LARGE1: variants seen among roughly 807,000 people sequenced by gnomAD.
LARGE1 encodes the protein LARGE xylosyl- and glucuronyltransferase 1, also known as xylosyl- and glucuronyltransferase LARGE1.
In LARGE1, 43 loss-of-function variants were observed where a neutral mutation model predicts 87.6. The ratio of observed to expected loss-of-function variants is 0.49; its 90% confidence interval spans 0.38 to 0.63. The LOEUF is 0.63. Ranked by LOEUF, LARGE1 falls within the 30% of genes least tolerant of loss-of-function variation. LARGE1 has a pLI of 0.00. For synonymous variants in LARGE1, 434 were observed against 394.6 expected (o/e 1.10, Z -1.18); for missense variants, 802 against 1,000.2 (o/e 0.80, Z 2.67).
chr22:33,891,811 C>A (rs1223210194), intron 1 of LARGE1, among the ~76,000 whole-genome samples: 2 of 152,182 alleles, frequency 1.3e-5, no homozygotes, highest in Non-Finnish European at 2.9e-5. Context: ...TCATCAAAAG[C>A]AAAGTCATTA....
intron 1 of LARGE1, among the ~76,000 whole-genome samples, chr22:33,772,520 C>T (rs2085102550): frequency 6.6e-6 from 1 of 151,954 alleles, no homozygotes; most frequent in South Asian, 2.1e-4. Context: ...AAGTGTGCTC[C>T]CTGTGCCTGA....
intron 7 of LARGE1, among the ~76,000 whole-genome samples, chr22:33,399,131 C>T (rs60340479): frequency 0.12 from 18,084 of 152,032 alleles, 1,924 homozygotes; most frequent in African/African-American, 0.29. Flanking sequence ...TCTCTCCCTC[C>T]GCTTCCCCCC....
At chr22:33,873,171 A>C (rs994546894) in intron 1 of LARGE1, 1 of 152,228 alleles carries the variant, frequency 6.6e-6, no homozygotes, top group Non-Finnish European at 1.5e-5. Context: ...TGGCCAGATG[A>C]TCTGGAGCTG....
intron 11 of LARGE1, among the ~76,000 whole-genome samples, chr22:33,239,192 A>T (rs189736716): frequency 6.6e-6 from 1 of 152,136 alleles, no homozygotes; most frequent in Non-Finnish European, 1.5e-5. Context: ...TTCTCTGTTC[A>T]TGCTGGAATT....
intron 11 of LARGE1, among the ~76,000 whole-genome samples, chr22:33,248,291 A>T (rs1330371589): frequency 6.6e-6 from 1 of 152,000 alleles, no homozygotes; most frequent in Non-Finnish European, 1.5e-5. Flanking sequence ...AGGTTCAAGC[A>T]ATTTTCCTGC....
intron 1 of LARGE1, among the ~76,000 whole-genome samples, chr22:33,779,344 C>A (rs1346542710): frequency 2.0e-5 from 3 of 152,048 alleles, no homozygotes; most frequent in Non-Finnish European, 4.4e-5. Flanking sequence ...ATCAGACAAC[C>A]ACAGCTCAGG....
chr22:33,526,272 TAAGA>T (rs2071890265), intron 6 of LARGE1, among the ~76,000 whole-genome samples: 1 of 152,210 alleles, frequency 6.6e-6, no homozygotes, highest in African/African-American at 2.4e-5. Context: ...GAGCCTGTCT[TAAGA>T]GTTTCTAGTC....
At chr22:33,411,245 G>T (rs1355497381) in intron 7 of LARGE1, among the ~76,000 whole-genome samples, 2 of 152,202 alleles carry the variant, frequency 1.3e-5, no homozygotes, top group Non-Finnish European at 2.9e-5. Context: ...CACTTATCCA[G>T]GTGTTGGAAT....
intron 12 of LARGE1, among the ~76,000 whole-genome samples, chr22:33,298,846 G>C (rs1338532208): frequency 6.7e-6 from 1 of 150,068 alleles, no homozygotes; most frequent in African/African-American, 2.5e-5. Flanking sequence ...AGAAGTAAAG[G>C]AAAGAAAGAA....
At chr22:33,281,815 T>C (rs1930494084) in intron 13 of LARGE1, among the ~76,000 whole-genome samples, 2 of 152,142 alleles carry the variant, frequency 1.3e-5, no homozygotes, top group African/African-American at 2.4e-5. Context: ...ATGTGAAAAA[T>C]GATAGCCTCT....
downstream of LARGE1, among the ~76,000 whole-genome samples, chr22:33,157,697 G>C (rs897892366): frequency 6.6e-6 from 1 of 151,906 alleles, no homozygotes; most frequent in Non-Finnish European, 1.5e-5. Flanking sequence ...TCCTTTTTTT[G>C]TATTATTGAA....
At chr22:33,134,255 C>CTTTT in the LARGE1 span, among the ~76,000 whole-genome samples, 4 of 124,360 alleles carry the variant, frequency 3.2e-5, no homozygotes, top group Admixed American at 8.5e-5. Flanking sequence ...AAAGAACTCC[C>CTTTT]TTTTTTTTTT....
intron 6 of LARGE1, among the ~76,000 whole-genome samples, chr22:33,493,154 C>CTTT (rs750203810): frequency 1.5e-3 from 160 of 109,152 alleles, no homozygotes; most frequent in African/African-American, 2.1e-3. Flanking sequence ...GCATGGTGGC[C>CTTT]TTTTTTTTTT....
At chr22:33,494,446 C>T (rs773207767) in intron 6 of LARGE1, among the ~76,000 whole-genome samples, 16 of 152,188 alleles carry the variant, frequency 1.1e-4, no homozygotes, top group Non-Finnish European at 1.8e-4. Context: ...GTGCTCAGTA[C>T]GGTGTTTAAC....
chr22:33,099,769 G>C, the LARGE1 span, among the ~76,000 whole-genome samples: 3 of 152,184 alleles, frequency 2.0e-5, no homozygotes, highest in Non-Finnish European at 4.4e-5. Flanking sequence ...GATTGCTGAA[G>C]AGGCACATAG....
At chr22:33,687,824 A>C (rs375640875) in intron 2 of LARGE1, among the ~76,000 whole-genome samples, 11 of 152,312 alleles carry the variant, frequency 7.2e-5, no homozygotes, top group African/African-American at 2.6e-4. Flanking sequence ...CCACTTAACA[A>C]GTAAAAATAC....
At position 33,855,048 on chromosome 22, in the gene LARGE1, C is replaced by A. The variant is rs146557648; in HGVS notation, c.-83+64947G>T. On this transcript the variant is annotated intron_variant, in intron 1 of 14. Coordinates refer to ENST00000397394, the MANE Select transcript of LARGE1 (RefSeq NM_133642.5). ...TGGAGAAGGTGGCATATAAAGTGGG[C>A]CTTAGGCTGGGCACGGTGGCTCACG... 3.1e-3 allele frequency among the ~76,000 whole-genome samples: 474 copies of A among 152,170 alleles called. 3 individuals are homozygous for A. The highest frequency in any genetic ancestry group is 0.011 in the African/African-American group (439 of 41,506).
intron 7 of LARGE1, among the ~76,000 whole-genome samples, chr22:33,395,637 G>C (rs1489560388): frequency 6.6e-6 from 1 of 152,112 alleles, no homozygotes; most frequent in Non-Finnish European, 1.5e-5. Context: ...GCTAGAATTG[G>C]GTTGGTCAAT....
downstream of LARGE1, among the ~76,000 whole-genome samples, chr22:33,271,362 A>T (rs1351537787): frequency 6.6e-6 from 1 of 152,236 alleles, no homozygotes; most frequent in African/African-American, 2.4e-5. Flanking sequence ...TTACTTAATT[A>T]CACAGAATGC....
Sources: gnomAD v4.1 joint callset for allele counts (sites outside exome capture counted in the v4.1 genomes callset) on GRCh38, gnomAD v4.1.1 for gene constraint, MANE v1.5 for transcripts, NCBI Gene and HGNC (gene_info 2026-07-23, HGNC 2026-07-21) for gene names.